Variants in CSPP1 observed in about 807,000 individuals in gnomAD.
The protein encoded by CSPP1 is centrosome and spindle pole-associated protein 1.
Under a neutral mutation model 164.4 loss-of-function variants are expected in CSPP1, and 126 were observed. The observed-to-expected ratio is 0.77, with a 90% CI of 0.66 to 0.89. The LOEUF is 0.89. Ranked by LOEUF, CSPP1 falls within the 40% of genes least tolerant of loss-of-function variation. The pLI is 0.00. For synonymous variants in CSPP1, 472 were observed against 476.7 expected (o/e 0.99, Z 0.13); for missense variants, 1,395 against 1,449.8 (o/e 0.96, Z 0.61).
intron 11 of CSPP1, 177 bp from the exon 12 acceptor site, chr8:67,114,152 A>G (rs1272798857): frequency 4.4e-6 from 1 of 227,354 alleles, no homozygotes; most frequent in African/African-American, 2.3e-5. Context: ...TAAATTTACA[A>G]TTGATGTTAA....
chr8:67,080,937 T>C (rs1345918722), intron 3 of CSPP1: 2 of 152,214 alleles, frequency 1.3e-5, no homozygotes, highest in Non-Finnish European at 2.9e-5. Context: ...GAATGATTGG[T>C]TGAATTGTTG....
chr8:67,135,596 G>A (rs938186374), intron 16 of CSPP1: 2 of 152,178 alleles, frequency 1.3e-5, no homozygotes, highest in African/African-American at 4.8e-5. Flanking sequence ...CCTTGCTCTG[G>A]TTTAGGCTTT....
intron 15 of CSPP1, among the ~76,000 whole-genome samples, chr8:67,125,017 G>A (rs139141969): frequency 6.6e-6 from 1 of 152,110 alleles, no homozygotes; most frequent in East Asian, 1.9e-4. Context: ...AGTTACAAAC[G>A]TCTTTACATT....
chr8:67,193,733 G>A (rs1837074977), intron 30 of CSPP1, 131 bp downstream of exon 30: 2 of 685,612 alleles, frequency 2.9e-6, no homozygotes, highest in Non-Finnish European at 4.6e-6. Context: ...TATGGCCCAA[G>A]ACATAGTAAC....
intron 8 of CSPP1, among the ~76,000 whole-genome samples, chr8:67,104,034 G>GT (rs948234866): frequency 1.2e-4 from 18 of 152,124 alleles, no homozygotes; most frequent in Admixed American, 3.9e-4. Context: ...TCTACTTACA[G>GT]TTTTTTATCA....
intron 7 of CSPP1, among the ~76,000 whole-genome samples, chr8:67,097,502 G>A (rs1484009702): frequency 6.6e-6 from 1 of 152,104 alleles, no homozygotes; most frequent in Non-Finnish European, 1.5e-5. Flanking sequence ...TATATGTAAG[G>A]TAATTAAAGG....
At chr8:67,167,974 G>T (rs536612801) in intron 24 of CSPP1, among the ~76,000 whole-genome samples, 1 of 152,182 alleles carries the variant, frequency 6.6e-6, no homozygotes, top group Non-Finnish European at 1.5e-5. Context: ...GTAGCCAGCC[G>T]AGATCACGCC....
At chr8:67,157,403 CT>C (rs1826882857) in intron 19 of CSPP1, among the ~76,000 whole-genome samples, 1 of 151,946 alleles carries the variant, frequency 6.6e-6, no homozygotes, top group Admixed American at 6.6e-5. Flanking sequence ...TCAAGTGATT[CT>C]CCTGTCTCAG....
Position 67,092,446 on chromosome 8 carries a change from C to CT in CSPP1, c.384+572dup, listed in dbSNP as rs201387166. On this transcript the variant is annotated intron_variant, in intron 5 of 30. Transcript: ENST00000678616. ...AAATTTCAAAAGACAGACCTAGTTT[C>CT]TTTTTTTTTGAGACGAAGTATCACC... 4.3e-4 allele frequency among the ~76,000 whole-genome samples: 65 copies of CT among 151,328 alleles called. No individual in the cohort carries two copies. The South Asian group carries it at 9.0e-3, about 21-fold the overall frequency.
At chr8:67,168,010 G>A (rs1829781120) in intron 24 of CSPP1, among the ~76,000 whole-genome samples, 1 of 152,210 alleles carries the variant, frequency 6.6e-6, no homozygotes, top group Non-Finnish European at 1.5e-5. Context: ...GGGCAACATT[G>A]AGCACTGAGT....
chr8:67,102,633 C>T (rs536356589), intron 7 of CSPP1, among the ~76,000 whole-genome samples: 125 of 152,232 alleles, frequency 8.2e-4, no homozygotes, highest in Middle Eastern at 6.8e-3. Context: ...TTCACAGACT[C>T]TATGAATTTT....
chr8:67,133,580 A>G (rs1348112327), intron 16 of CSPP1: 1 of 152,264 alleles, frequency 6.6e-6, no homozygotes, highest in African/African-American at 2.4e-5. Context: ...TCTTGCCTCA[A>G]TGTTGATGGC....
chr8:67,097,278 A>C (rs1193953326), intron 7 of CSPP1, among the ~76,000 whole-genome samples: 1 of 152,194 alleles, frequency 6.6e-6, no homozygotes, highest in African/African-American at 2.4e-5. Context: ...TATTCTAACT[A>C]TTAATTACAA....
Position 67,074,327 on chromosome 8 carries a change from T to G in CSPP1, c.75T>G (p.Ser25Arg). Residue 25 changes from serine (S) to arginine (R), a missense_variant, in exon 2 of 31, where the codon AGT (serine) becomes AGG (arginine). Transcript: ENST00000678616. ...CCGAAGACAAAGCAGAGTTGGAAAG[T>G]GATCCACCTTACATGGAAATGAAGG... Reference protein sequence around the residue: ...RLAEDKAELESDPPYMEMKGK... With the variant: ...RLAEDKAELERDPPYMEMKGK... 2 of 1,605,576 alleles carry G rather than the reference T, an allele frequency of 1.2e-6. No individual in the cohort carries two copies. Among genetic ancestry groups the G allele is most frequent in the Non-Finnish European group, 1.7e-6 (2 of 1,174,198 alleles).
chr8:67,124,274 T>G (rs924702004), intron 15 of CSPP1, among the ~76,000 whole-genome samples: 9 of 152,006 alleles, frequency 5.9e-5, no homozygotes, highest in African/African-American at 2.2e-4. Flanking sequence ...TAATTTTGAG[T>G]TTTTTTGTGG....
chr8:67,148,208 C>G (rs1227370214), intron 17 of CSPP1, among the ~76,000 whole-genome samples: 1 of 152,168 alleles, frequency 6.6e-6, no homozygotes, highest in African/African-American at 2.4e-5. Context: ...TGTGAGCCAC[C>G]ACGCCCGGCC....
chr8:67,133,840 C>T (rs1821724125), intron 16 of CSPP1: 1 of 152,206 alleles, frequency 6.6e-6, no homozygotes, highest in Non-Finnish European at 1.5e-5. Flanking sequence ...GTTGTCATCT[C>T]AACAGTGTTC....
Position 67,192,952 on chromosome 8 carries a change from C to T in CSPP1, c.3331-512C>T, listed in dbSNP as rs1010763851. Among the ~76,000 whole-genome samples, 11 of 152,254 alleles carry T rather than the reference C, an allele frequency of 7.2e-5. No individual in the cohort carries two copies. The East Asian group carries it at 2.1e-3, about 29-fold the overall frequency. On this transcript the variant is annotated intron_variant, in intron 29 of 30. Transcript: ENST00000678616. ...GTGTCCTATAATTCTCAAGCTTTAT[C>T]CTGACTGGCAGCATTTCTGTCATCA...
chr8:67,195,274 CTG>C (rs1837678312), intron 30 of CSPP1, 106 bp from the exon 31 acceptor site: 1 of 769,426 alleles, frequency 1.3e-6, no homozygotes, highest in Admixed American at 1.8e-5. Context: ...GGATATGAGA[CTG>C]TGGGGAAATG....
Sources: gnomAD v4.1 joint callset for allele counts (sites outside exome capture counted in the v4.1 genomes callset) on GRCh38, gnomAD v4.1.1 for gene constraint, MANE v1.5 for transcripts, NCBI Gene and HGNC (gene_info 2026-07-23, HGNC 2026-07-21) for gene names.